Variants in KDM4C observed in about 807,000 individuals in gnomAD.
KDM4C encodes lysine-specific demethylase 4C.
Under a neutral mutation model 129.3 loss-of-function variants are expected in KDM4C, and 81 were observed. The ratio of observed to expected loss-of-function variants is 0.63; its 90% CI spans 0.52 to 0.75. KDM4C has a LOEUF of 0.75. Ranked by LOEUF, KDM4C falls within the 30% of genes least tolerant of loss-of-function variation. The probability of loss-of-function intolerance (pLI) is 0.00; values close to 1 mark genes in which losing one functional copy is unlikely to be tolerated. For missense variants in KDM4C, 1,457 were observed against 1,304.0 expected (o/e 1.12, Z -1.81); for synonymous variants, 573 against 456.1 (o/e 1.26, Z -3.26).
chr9:6,797,905 A>T (rs527528008), intron 2 of KDM4C, among the ~76,000 whole-genome samples: 1 of 152,314 alleles, frequency 6.6e-6, no homozygotes, highest in Non-Finnish European at 1.5e-5. Context: ...TTCTGTTTTG[A>T]TATAATCAGG....
chr9:6,787,174 C>T (rs954193904), intron 1 of KDM4C, among the ~76,000 whole-genome samples: 3 of 152,152 alleles, frequency 2.0e-5, no homozygotes, highest in Non-Finnish European at 4.4e-5. Context: ...TTCTAGTAGC[C>T]ACTAATTTGC....
At chr9:7,058,771 C>T (rs924739260) in intron 17 of KDM4C, among the ~76,000 whole-genome samples, 1 of 152,214 alleles carries the variant, frequency 6.6e-6, no homozygotes, top group African/African-American at 2.4e-5. Flanking sequence ...AGCACTTCCA[C>T]TGCCTGCTAT....
chr9:7,124,857 G>T (rs1399868955), intron 18 of KDM4C, among the ~76,000 whole-genome samples: 1 of 152,168 alleles, frequency 6.6e-6, no homozygotes, highest in Admixed American at 6.5e-5. Context: ...CTAGATGACA[G>T]AGATGGTTAG....
chr9:7,140,918 G>C (rs1023156500), intron 19 of KDM4C, among the ~76,000 whole-genome samples: 1 of 152,190 alleles, frequency 6.6e-6, no homozygotes, highest in Non-Finnish European at 1.5e-5. Flanking sequence ...TGATCAGTGC[G>C]ACCTGAATGA....
intron 1 of KDM4C, among the ~76,000 whole-genome samples, chr9:6,778,595 C>A (rs974630619): frequency 1.3e-5 from 2 of 151,296 alleles, no homozygotes; most frequent in African/African-American, 4.8e-5. Flanking sequence ...GGTGAAACCC[C>A]GCCTCTACTA....
intron 15 of KDM4C, among the ~76,000 whole-genome samples, chr9:7,037,700 TTTATA>T (rs1266716055): frequency 6.6e-6 from 1 of 152,116 alleles, no homozygotes; most frequent in Non-Finnish European, 1.5e-5. Context: ...ATGATCAGAT[TTTATA>T]TTTTTTCATT....
chr9:6,962,371 A>G (rs1488426259), intron 8 of KDM4C, among the ~76,000 whole-genome samples: 1 of 152,214 alleles, frequency 6.6e-6, no homozygotes, highest in Non-Finnish European at 1.5e-5. Context: ...AGAAACGCAA[A>G]CTGACCTTTG....
intron 17 of KDM4C, among the ~76,000 whole-genome samples, chr9:7,053,503 C>T (rs1024667682): frequency 2.0e-5 from 3 of 152,190 alleles, no homozygotes; most frequent in African/African-American, 7.2e-5. Context: ...TCCTTTAGCT[C>T]ATCCAGCCAC....
At chr9:6,802,849 T>C (rs1829270398) in intron 2 of KDM4C, among the ~76,000 whole-genome samples, 1 of 152,236 alleles carries the variant, frequency 6.6e-6, no homozygotes, top group South Asian at 2.1e-4. Flanking sequence ...TCAGGTGGTC[T>C]GTCCACCTTG....
rs76799488 is a variant in KDM4C at position 7,134,002 on chromosome 9, A to G, written c.2781+5766A>G. Among the ~76,000 whole-genome samples, 888 of 152,244 alleles carry G rather than the reference A, an allele frequency of 5.8e-3. 6 individuals are homozygous for G. Among genetic ancestry groups the G allele is most frequent in the African/African-American group, 0.019 (787 of 41,544 alleles). On this transcript the variant is annotated intron_variant, in intron 19 of 21. Coordinates refer to ENST00000381309, the MANE Select transcript of KDM4C (RefSeq NM_015061.6). ...GTCAGTGAGCTCACCTCAGCTTTGG[A>G]AGCCCTGTCCCATCCCAGACCATTT... is the stretch of plus-strand genomic sequence containing the variant.
chr9:6,881,517 T>C (rs901281366), intron 6 of KDM4C, among the ~76,000 whole-genome samples: 4 of 152,206 alleles, frequency 2.6e-5, no homozygotes, highest in African/African-American at 9.6e-5. Flanking sequence ...ATAAAATTTT[T>C]CCACCATTTT....
chr9:6,857,795 C>A (rs946697323), intron 5 of KDM4C, among the ~76,000 whole-genome samples: 1 of 149,096 alleles, frequency 6.7e-6, no homozygotes, highest in Non-Finnish European at 1.5e-5. Context: ...CGCTCTGTTG[C>A]TCAGATTGGA....
rs141751036 is a variant in KDM4C at position 6,821,103 on chromosome 9, C to A, written c.435+6358C>A. 9.3e-3 allele frequency among the ~76,000 whole-genome samples: 1,415 copies of A among 152,232 alleles called. 23 individuals carry two copies. Among genetic ancestry groups the A allele is most frequent in the African/African-American group, 0.032 (1,338 of 41,524 alleles). On this transcript the variant is annotated intron_variant, in intron 4 of 21. Coordinates refer to ENST00000381309, the MANE Select transcript of KDM4C (RefSeq NM_015061.6). ...CCATGGTGTATATGTGCCACATTTT[C>A]TTAATCCAGTCTATCATTGATGGAC...
At chr9:7,022,973 A>G (rs938588502) in intron 15 of KDM4C, among the ~76,000 whole-genome samples, 2 of 152,214 alleles carry the variant, frequency 1.3e-5, no homozygotes, top group African/African-American at 4.8e-5. Flanking sequence ...ATGTTGAATC[A>G]TCCTTGCATT....
chr9:7,058,442 G>A (rs540406746), intron 17 of KDM4C, among the ~76,000 whole-genome samples: 4 of 152,154 alleles, frequency 2.6e-5, no homozygotes, highest in African/African-American at 9.7e-5. Context: ...TATTCTCACC[G>A]TGTCCAGTTT....
chr9:6,844,496 C>G (rs1156999675), intron 4 of KDM4C, among the ~76,000 whole-genome samples: 1 of 152,178 alleles, frequency 6.6e-6, no homozygotes, highest in Non-Finnish European at 1.5e-5. Context: ...CCACACAGCA[C>G]TGTTTTACAT....
rs548109570 is a variant in KDM4C at position 7,015,264 on chromosome 9, A to C, written c.2183-589A>C. 3.8e-3 allele frequency among the ~76,000 whole-genome samples: 584 copies of C among 152,252 alleles called. 9 individuals carry two copies. Among genetic ancestry groups the C allele is most frequent in the African/African-American group, 0.013 (547 of 41,544 alleles). The stretch of plus-strand genomic sequence containing the variant: ...AAAATTACTCATTTAAATATTTCAG[A>C]ATTCTCTTATCTCAAGAAGTCAGAG... On this transcript the variant is annotated intron_variant, in intron 14 of 21. Transcript: ENST00000381309.
At chr9:6,853,092 G>A (rs1839153678) in intron 5 of KDM4C, among the ~76,000 whole-genome samples, 1 of 151,932 alleles carries the variant, frequency 6.6e-6, no homozygotes, top group South Asian at 2.1e-4. Flanking sequence ...CCTGGCTATA[G>A]GAGCGATGCC....
chr9:6,781,864 G>T (rs990626852), intron 1 of KDM4C, among the ~76,000 whole-genome samples: 1 of 150,594 alleles, frequency 6.6e-6, no homozygotes, highest in Admixed American at 6.7e-5. Flanking sequence ...CTTGTGCCCA[G>T]GCTGGCTGGA....
Sources: gnomAD v4.1 joint callset for allele counts (sites outside exome capture counted in the v4.1 genomes callset) on GRCh38, gnomAD v4.1.1 for gene constraint, MANE v1.5 for transcripts, NCBI Gene and HGNC (gene_info 2026-07-23, HGNC 2026-07-21) for gene names.